The following MBP variants were observed in gnomAD, a reference collection of about 807,000 sequenced individuals.
The protein encoded by MBP is Golli-MBP.
A neutral mutation model predicts 35.8 loss-of-function variants in MBP; 16 were observed. The observed-to-expected ratio is 0.45, with a 90% confidence interval of 0.30 to 0.68. The LOEUF (loss-of-function observed/expected upper bound fraction) is 0.68, where lower values mean the gene tolerates loss of function less well. Among genes scored for constraint, MBP ranks in the 30% least tolerant of loss-of-function variants. The pLI is 0.08. For synonymous variants in MBP, 143 were observed against 159.6 expected (o/e 0.90, Z 0.78); for missense variants, 380 against 404.7 (o/e 0.94, Z 0.52).
chr18:77,098,749 T>A (rs1010695882), intron 2 of MBP, among the ~76,000 whole-genome samples: 2 of 152,086 alleles, frequency 1.3e-5, no homozygotes, highest in South Asian at 2.1e-4. Flanking sequence ...CAGGGCAGAG[T>A]GGGACGTGGG....
At chr18:76,986,386 A>T (rs1969559552) in intron 7 of MBP, 4 of 985,364 alleles carry the variant, frequency 4.1e-6, no homozygotes, top group Non-Finnish European at 4.8e-6. Flanking sequence ...TCTTATTTAG[A>T]GGTGAGGAAG....
chr18:77,064,848 C>T (rs1284318068), intron 3 of MBP, among the ~76,000 whole-genome samples: 1 of 152,230 alleles, frequency 6.6e-6, no homozygotes, highest in African/African-American at 2.4e-5. Flanking sequence ...CACAAAATCA[C>T]TCCTTTTTCC....
chr18:76,993,197 A>G (rs72987292), intron 4 of MBP, among the ~76,000 whole-genome samples: 4 of 152,292 alleles, frequency 2.6e-5, no homozygotes, highest in Non-Finnish European at 5.9e-5. Flanking sequence ...TGAAAATACC[A>G]CAAAAGTGAA....
At chr18:77,083,387 C>G (rs1622577) in intron 2 of MBP, among the ~76,000 whole-genome samples, 115,077 of 152,108 alleles carry the variant, frequency 0.76, 44,025 homozygotes, top group East Asian at 0.83. Flanking sequence ...CCTTTTCTTT[C>G]GACAAAGTTT....
Position 77,044,543 on chromosome 18 carries a change from C to T in MBP, c.139+21755G>A, listed in dbSNP as rs554024390. Among the ~76,000 whole-genome samples the T allele has an allele frequency of 1.3e-4, 20 of 152,084 alleles. No homozygotes were observed. The highest frequency in any genetic ancestry group is 2.9e-4 in the Non-Finnish European group (20 of 68,018). On this transcript the variant is annotated intron_variant, in intron 3 of 8. Coordinates refer to ENST00000355994, the MANE Select transcript of MBP (RefSeq NM_001025101.2). This position sits in a 1 kb window ranked among gnomAD's most constrained non-coding sequence, Gnocchi z 4.4. The stretch of plus-strand genomic sequence containing the variant: ...CCTGGAAAGCCCTCTCCAGGGCCCT[C>T]GGCCTCGCTGTCTCACATCACTCGC...
chr18:77,061,807 A>G (rs963185616), intron 3 of MBP, among the ~76,000 whole-genome samples: 3 of 152,246 alleles, frequency 2.0e-5, no homozygotes, highest in Non-Finnish European at 4.4e-5. Context: ...ACACACCAAT[A>G]TATGTACTTA....
chr18:77,084,105 G>T (rs776415038), intron 2 of MBP, among the ~76,000 whole-genome samples: 3 of 151,912 alleles, frequency 2.0e-5, no homozygotes, highest in Non-Finnish European at 4.4e-5. Flanking sequence ...ACCACATGTT[G>T]GAGGGAACTC....
Position 77,117,799 on chromosome 18 carries a change from G to T in MBP, c.-25-12513C>A, listed in dbSNP as rs1479914636. Among the ~76,000 whole-genome samples, 59 of 113,904 alleles carry T rather than the reference G, an allele frequency of 5.2e-4. 5 individuals are homozygous for T. The highest frequency in any genetic ancestry group is 6.2e-4 in the South Asian group (2 of 3,220). 74.7% of individuals were successfully genotyped at this position (113,904 alleles called of 152,430 possible). On this transcript the variant is annotated intron_variant, in intron 1 of 8. Transcript: ENST00000355994. ...GGATGGGGGTCAGTGGGTTGGGGTGGGACGGGGGTCAGTGGGTTGGAGTGG... is the reference window on the plus strand; with the variant it reads ...GGATGGGGGTCAGTGGGTTGGGGTGTGACGGGGGTCAGTGGGTTGGAGTGG...
chr18:77,082,772 G>A (rs1288756472), intron 2 of MBP, among the ~76,000 whole-genome samples: 1 of 95,908 alleles, frequency 1.0e-5, no homozygotes, highest in Non-Finnish European at 2.3e-5. Context: ...TGGACCAGGT[G>A]GTCTGGGGGA....
intron 1 of MBP, among the ~76,000 whole-genome samples, chr18:77,116,077 G>T (rs1284876056): frequency 7.0e-6 from 1 of 142,366 alleles, no homozygotes; most frequent in Admixed American, 7.0e-5. Flanking sequence ...GGCAATGTGT[G>T]GTCATTAACC....
In MBP at chr18:77,020,381, G is replaced by A. The variant is rs556786611; in HGVS notation, c.140-3113C>T. 2.4e-4 allele frequency among the ~76,000 whole-genome samples: 36 copies of A among 152,278 alleles called. No individual in the cohort carries two copies. The South Asian group carries it at 6.0e-3, about 25-fold the overall frequency. ...CAGTGGACAGATATTCTTCTACGTC[G>A]GTTTCCACAAAGGACCTCTTTCAGT... On this transcript the variant is annotated intron_variant, in intron 3 of 8. Coordinates refer to ENST00000355994, the MANE Select transcript of MBP (RefSeq NM_001025101.2). This position sits in a 1 kb window ranked among gnomAD's most constrained non-coding sequence, Gnocchi z 4.1.
At chr18:77,015,964 C>T (rs1971598212) in intron 4 of MBP, 1 of 985,382 alleles carries the variant, frequency 1.0e-6, no homozygotes, top group Admixed American at 6.1e-5. Flanking sequence ...AAACTAGGGA[C>T]TTTTTTGGGA....
rs59645388 is a variant in MBP, at chr18:77,061,663, T to C, written c.139+4635A>G. Among the ~76,000 whole-genome samples, 1,209 of 152,306 alleles carry C rather than the reference T, an allele frequency of 7.9e-3. 15 individuals are homozygous for C. The highest frequency in any genetic ancestry group is 0.027 in the African/African-American group (1,139 of 41,554). On this transcript the variant is annotated intron_variant, in intron 3 of 8. Transcript: ENST00000355994. The stretch of plus-strand genomic sequence containing the variant: ...GCGGCTCCCTGCAGCCATTGTCACA[T>C]GGTTGATGTGTTTGTGGTCTTCCTT...
rs527773653 is a variant in MBP at position 77,080,601 on chromosome 18, G to C, written c.52-14216C>G. Among the ~76,000 whole-genome samples, 29 of 152,386 alleles carry C rather than the reference G, an allele frequency of 1.9e-4. No homozygotes were observed. In the South Asian group the frequency reaches 5.0e-3, roughly 26 times the overall value. On this transcript the variant is annotated intron_variant, in intron 2 of 8. Transcript: ENST00000355994. ...CCTTGGTCTAGACACAGGAGTACTAGAGAGGAAGTGAAAGCTGCCAATCCA... is the reference window on the plus strand; with the variant it reads ...CCTTGGTCTAGACACAGGAGTACTACAGAGGAAGTGAAAGCTGCCAATCCA...
intron 1 of MBP, among the ~76,000 whole-genome samples, chr18:77,106,318 T>C (rs911279295): frequency 1.1e-4 from 16 of 152,274 alleles, no homozygotes; most frequent in African/African-American, 3.9e-4. Flanking sequence ...GCTGAGCTTT[T>C]CCATCTCCCA....
intron 2 of MBP, among the ~76,000 whole-genome samples, chr18:77,072,258 G>A (rs566848836): frequency 3.9e-4 from 59 of 152,218 alleles, no homozygotes; most frequent in African/African-American, 1.4e-3. Flanking sequence ...TGAGCCTTAG[G>A]TCATTTCAGA....
rs1308445109 is a variant in MBP at position 76,989,182 on chromosome 18, C to T, written c.682-270G>A. 2 of 644,690 alleles carry T rather than the reference C, an allele frequency of 3.1e-6. No individual in the cohort carries two copies. Among genetic ancestry groups the T allele is most frequent in the East Asian group, 5.8e-5 (2 of 34,256 alleles). 39.9% of individuals were successfully genotyped at this position (644,690 alleles called of 1,614,324 possible). On this transcript the variant is annotated intron_variant, in intron 5 of 8. Coordinates refer to ENST00000355994, the MANE Select transcript of MBP (RefSeq NM_001025101.2). This position sits in a 1 kb window ranked among gnomAD's most constrained non-coding sequence, Gnocchi z 4.0. ...GAGGCTCCGTAGCTGGGGAATGGGC[C>T]CATCTTGGGACACTGAGGGAGGCGG...
Position 77,016,925 on chromosome 18 carries a change from G to A in MBP, c.483C>T (p.Gly161=), listed in dbSNP as rs756867637. The change falls in exon 4 of 9, where the codon GGC becomes GGT. Residue 161 remains glycine (G), a synonymous_variant. Coordinates refer to ENST00000355994, the MANE Select transcript of MBP (RefSeq NM_001025101.2). ...TASTMDHARH[G]FLPRHRDTGI... The stretch of plus-strand genomic sequence containing the variant: ...CCGTGTCTCTGTGCCTTGGGAGGAA[G>A]CCATGCCTGGCATGGTCCATGGTAC... The A allele has an allele frequency of 1.9e-6, 3 of 1,614,252 alleles. No individual in the cohort carries two copies. Among genetic ancestry groups the A allele is most frequent in the Admixed American group, 3.3e-5 (2 of 60,034 alleles).
intron 3 of MBP, among the ~76,000 whole-genome samples, chr18:77,029,472 C>A (rs1164789435): frequency 1.5e-5 from 2 of 134,036 alleles, no homozygotes; most frequent in Admixed American, 7.3e-5. Context: ...GGGAGAGGGA[C>A]CCCAGCTAAT....
Sources: allele counts gnomAD v4.1 joint callset (sites outside exome capture counted in the v4.1 genomes callset), GRCh38; gene constraint gnomAD v4.1.1; non-coding constraint Gnocchi (gnomAD v3.1); transcripts MANE v1.5; gene names NCBI Gene and HGNC (gene_info 2026-07-23, HGNC 2026-07-21).